The following RANBP2 variants were observed in gnomAD, a reference collection of about 807,000 sequenced individuals.
RANBP2 encodes E3 SUMO-protein ligase RanBP2.
RANBP2 carries 57 observed loss-of-function variants against 303.6 expected under a neutral mutation model. That is an observed-to-expected ratio of 0.19 (90% CI 0.15 to 0.23). The LOEUF (loss-of-function observed/expected upper bound fraction) is 0.23, where lower values mean the gene tolerates loss of function less well. Among genes scored for constraint, RANBP2 ranks in the 10% least tolerant of loss-of-function variants. The pLI is 1.00. For missense variants in RANBP2, 3,138 were observed against 3,780.8 expected (o/e 0.83, Z 4.46); for synonymous variants, 1,167 against 1,301.5 (o/e 0.90, Z 2.23).
chr2:109,188,575 G>A, the RANBP2 span, among the ~76,000 whole-genome samples: 10 of 152,214 alleles, frequency 6.6e-5, no homozygotes, highest in African/African-American at 2.4e-4. Context: ...CCTATGGAGG[G>A]GCAGGGGTCC....
At chr2:109,248,863 CTT>C in the RANBP2 span, among the ~76,000 whole-genome samples, 88 of 137,802 alleles carry the variant, frequency 6.4e-4, no homozygotes, top group African/African-American at 1.9e-3. Context: ...TTTTCCTTTC[CTT>C]TTTCCTTTCC....
chr2:109,505,673 T>C, the RANBP2 span, among the ~76,000 whole-genome samples: 1 of 152,178 alleles, frequency 6.6e-6, no homozygotes, highest in Non-Finnish European at 1.5e-5. Flanking sequence ...CTCCATTTGC[T>C]ACGTGAGCAA....
At chr2:108,936,496 C>T in the RANBP2 span, among the ~76,000 whole-genome samples, 1 of 152,094 alleles carries the variant, frequency 6.6e-6, no homozygotes, top group Non-Finnish European at 1.5e-5. Flanking sequence ...CCTGCCCACC[C>T]AGCGCTACTC....
At chr2:109,410,777 T>G in the RANBP2 span, among the ~76,000 whole-genome samples, 1 of 152,234 alleles carries the variant, frequency 6.6e-6, no homozygotes, top group African/African-American at 2.4e-5. Context: ...GTCAGAGCCC[T>G]TTCCTGGGCA....
the RANBP2 span, among the ~76,000 whole-genome samples, chr2:108,998,575 T>C: frequency 6.6e-6 from 1 of 152,196 alleles, no homozygotes; most frequent in Non-Finnish European, 1.5e-5. Flanking sequence ...TCTCACTGTT[T>C]ATCCTGCTTC....
the RANBP2 span, chr2:109,347,621 G>T: frequency 3.8e-6 from 6 of 1,584,484 alleles, no homozygotes; most frequent in Non-Finnish European, 5.2e-6. Flanking sequence ...GATCCACTGT[G>T]GGGCATTGGG....
chr2:109,265,292 C>A, the RANBP2 span, among the ~76,000 whole-genome samples: 2 of 152,262 alleles, frequency 1.3e-5, no homozygotes, highest in South Asian at 4.1e-4. Flanking sequence ...GGGCTGTGTT[C>A]GCCAACTGCT....
At chr2:109,391,529 A>G in the RANBP2 span, among the ~76,000 whole-genome samples, 1 of 152,172 alleles carries the variant, frequency 6.6e-6, no homozygotes, top group Non-Finnish European at 1.5e-5. Flanking sequence ...CTGTCAAACT[A>G]ACTTCAAGGG....
At chr2:108,828,019 A>G in the RANBP2 span, among the ~76,000 whole-genome samples, 1 of 152,070 alleles carries the variant, frequency 6.6e-6, no homozygotes, top group East Asian at 1.9e-4. Context: ...ACAGATCCAA[A>G]CTTGTAAATA....
the RANBP2 span, among the ~76,000 whole-genome samples, chr2:109,300,814 A>G: frequency 4.6e-5 from 7 of 152,286 alleles, no homozygotes; most frequent in Admixed American, 3.9e-4. Flanking sequence ...CTAGAGTGTC[A>G]TTACCACAGT....
chr2:109,387,947 A>G, the RANBP2 span, among the ~76,000 whole-genome samples: 6 of 151,950 alleles, frequency 3.9e-5, no homozygotes, highest in South Asian at 1.0e-3. Context: ...CAGATTCCCA[A>G]CCATGCTGAG....
chr2:109,217,454 A>G, the RANBP2 span, among the ~76,000 whole-genome samples: 1 of 152,196 alleles, frequency 6.6e-6, no homozygotes, highest in Admixed American at 6.5e-5. Context: ...CTCCAGGTTT[A>G]TGGCCACGAT....
At chr2:109,487,898 G>A in the RANBP2 span, among the ~76,000 whole-genome samples, 1 of 150,726 alleles carries the variant, frequency 6.6e-6, no homozygotes, top group Non-Finnish European at 1.5e-5. Context: ...ATACTGCAGT[G>A]AACAAAACAA....
At chr2:109,439,974 G>C in the RANBP2 span, among the ~76,000 whole-genome samples, 1 of 152,302 alleles carries the variant, frequency 6.6e-6, no homozygotes, top group East Asian at 1.9e-4. Context: ...AGGGCATATG[G>C]AAAGTTTTCA....
At chr2:108,786,849 G>A (rs113387415), downstream of RANBP2, 10,105 of 1,593,748 alleles carry the variant, frequency 6.3e-3, 79 homozygotes, top group Non-Finnish European at 6.4e-3. Flanking sequence ...TCAAGCCACC[G>A]GGGCAGGATT....
chr2:108,802,110 G>A, the RANBP2 span, among the ~76,000 whole-genome samples: 13 of 144,486 alleles, frequency 9.0e-5, no homozygotes, highest in South Asian at 2.3e-4. Flanking sequence ...TTGGCGATGC[G>A]GGCTCTTTTT....
chr2:109,508,573 T>C, the RANBP2 span, among the ~76,000 whole-genome samples: 1 of 152,020 alleles, frequency 6.6e-6, no homozygotes, highest in East Asian at 1.9e-4. Flanking sequence ...TGGACATCAT[T>C]ACAAATGTGA....
the RANBP2 span, among the ~76,000 whole-genome samples, chr2:109,453,500 C>G: frequency 2.0e-5 from 3 of 152,148 alleles, no homozygotes; most frequent in Admixed American, 1.3e-4. Flanking sequence ...CCTCAGGGTA[C>G]CTAAGTCCAG....
the RANBP2 span, among the ~76,000 whole-genome samples, chr2:109,232,963 A>G: frequency 1.3e-5 from 2 of 151,824 alleles, no homozygotes; most frequent in Non-Finnish European, 2.9e-5. Context: ...CCCCTTTGTG[A>G]GACTTGCGAT....
Sources: allele counts gnomAD v4.1 joint callset (sites outside exome capture counted in the v4.1 genomes callset), GRCh38; gene constraint gnomAD v4.1.1; transcripts MANE v1.5; gene names NCBI Gene and HGNC (gene_info 2026-07-23, HGNC 2026-07-21).